The following PECR variants were observed in gnomAD, a reference collection of about 807,000 sequenced individuals.
The protein encoded by PECR is 2,4-dienoyl-CoA reductase-related protein.
In PECR, 30 loss-of-function variants were observed where a neutral mutation model predicts 35.3. That is an observed-to-expected ratio of 0.85 (90% CI 0.64 to 1.15). PECR has a LOEUF of 1.15. Ranked by LOEUF, PECR falls within the 50% of genes most tolerant of loss-of-function variation. The probability of loss-of-function intolerance (pLI) is 0.00; values close to 1 mark genes in which losing one functional copy is unlikely to be tolerated. For synonymous variants in PECR, 148 were observed against 138.9 expected (o/e 1.07, Z -0.46); for missense variants, 392 against 370.8 (o/e 1.06, Z -0.47).
At chr2:216,045,544 C>T (rs1372868380) in intron 6 of PECR, among the ~76,000 whole-genome samples, 3 of 152,196 alleles carry the variant, frequency 2.0e-5, no homozygotes, top group Non-Finnish European at 4.4e-5. Context: ...TTAATTTCAC[C>T]TCTTTTTACT....
chr2:216,036,188 A>G (rs1694790502), downstream of PECR, among the ~76,000 whole-genome samples: 1 of 152,204 alleles, frequency 6.6e-6, no homozygotes, highest in Admixed American at 6.5e-5. Context: ...ACCCCGCACC[A>G]TCCATAGGCA....
At chr2:216,056,827 C>T (rs1395028076) in intron 4 of PECR, among the ~76,000 whole-genome samples, 3 of 151,288 alleles carry the variant, frequency 2.0e-5, no homozygotes, top group African/African-American at 7.3e-5. Flanking sequence ...CACATATACA[C>T]ATATGTGTTT....
intron 4 of PECR, among the ~76,000 whole-genome samples, chr2:216,054,395 G>A (rs1695184605): frequency 6.9e-6 from 1 of 145,786 alleles, no homozygotes; most frequent in Non-Finnish European, 1.5e-5. Context: ...TTTTTTGGAG[G>A]GGGTACAGAG....
chr2:216,063,486 T>C (rs1397494232), intron 3 of PECR, among the ~76,000 whole-genome samples: 1 of 151,818 alleles, frequency 6.6e-6, no homozygotes, highest in African/African-American at 2.4e-5. Context: ...GATGTGGTGG[T>C]GAATGCCTGT....
At chr2:216,074,685 C>G (rs1243403943) in intron 1 of PECR, among the ~76,000 whole-genome samples, 5 of 152,108 alleles carry the variant, frequency 3.3e-5, no homozygotes, top group Admixed American at 3.3e-4. Context: ...TAGAAGTTTA[C>G]TAAATTATAA....
intron 7 of PECR, 123 bp downstream of exon 7, chr2:216,043,781 T>G: frequency 1.5e-6 from 1 of 672,796 alleles, no homozygotes. Flanking sequence ...ATAAACATTT[T>G]GTACATTTTG....
chr2:216,031,699 A>G (rs200735959), intron 7 of PECR, among the ~76,000 whole-genome samples: 7,651 of 127,448 alleles, frequency 0.06, 433 homozygotes, highest in African/African-American at 0.14. Flanking sequence ...AAGAGAAAGA[A>G]AGAAAGAAAG....
chr2:216,060,622 G>A (rs963772429), intron 3 of PECR, among the ~76,000 whole-genome samples: 2 of 152,016 alleles, frequency 1.3e-5, no homozygotes, highest in South Asian at 4.1e-4. Context: ...ATGCAGCCTT[G>A]AACCACTACT....
At chr2:216,075,099 T>G (rs555308648) in intron 1 of PECR, among the ~76,000 whole-genome samples, 18 of 152,252 alleles carry the variant, frequency 1.2e-4, no homozygotes, top group African/African-American at 3.6e-4. Context: ...GATGAGACCT[T>G]GTCTCTAAAA....
intron 1 of PECR, among the ~76,000 whole-genome samples, chr2:216,076,704 G>A (rs1356967222): frequency 6.6e-6 from 1 of 151,874 alleles, no homozygotes; most frequent in Non-Finnish European, 1.5e-5. Flanking sequence ...GCAGGCTGAG[G>A]CACAAGAATC....
downstream of PECR, among the ~76,000 whole-genome samples, chr2:216,038,226 T>A (rs1215622333): frequency 2.0e-5 from 3 of 152,214 alleles, no homozygotes; most frequent in Non-Finnish European, 4.4e-5. Context: ...ATTTCTTCAA[T>A]AAGGGTCTAA....
At chr2:216,043,103 GTATA>G (rs1304305088) in intron 7 of PECR, among the ~76,000 whole-genome samples, 1 of 120,138 alleles carries the variant, frequency 8.3e-6, no homozygotes, top group Admixed American at 8.3e-5. Flanking sequence ...ATATGTATGC[GTATA>G]TATATATATT....
At chr2:216,031,685 A>AAGAGAGAG (rs1553558903) in intron 7 of PECR, among the ~76,000 whole-genome samples, 5 of 54,100 alleles carry the variant, frequency 9.2e-5, no homozygotes, top group South Asian at 4.7e-4. Flanking sequence ...GAAAGAAAGA[A>AAGAGAGAG]AGAAAGAGAA....
chr2:216,067,999 C>A lies in PECR; in HGVS notation c.125-1481G>T, dbSNP rs182518660. Among the ~76,000 whole-genome samples the A allele has an allele frequency of 1.6e-3, 243 of 151,732 alleles. 4 individuals are homozygous for A. The South Asian group carries it at 0.035, about 22-fold the overall frequency. On this transcript the variant is annotated intron_variant, in intron 1 of 7. Transcript: ENST00000265322. Reference sequence around the variant, plus strand: ...ATCCCAGCACTTTGGGAGGCTGAGGCGGGCCGATCATGAGGTCAGGAGTTT... The same window carrying A: ...ATCCCAGCACTTTGGGAGGCTGAGGAGGGCCGATCATGAGGTCAGGAGTTT...
At chr2:216,045,746 T>C (rs1034451480) in intron 6 of PECR, among the ~76,000 whole-genome samples, 1 of 152,246 alleles carries the variant, frequency 6.6e-6, no homozygotes, top group Non-Finnish European at 1.5e-5. Flanking sequence ...ACTCAGCCAA[T>C]GAACATGTTT....
chr2:216,074,753 G>A (rs1204395075), intron 1 of PECR, among the ~76,000 whole-genome samples: 1 of 152,176 alleles, frequency 6.6e-6, no homozygotes, highest in Non-Finnish European at 1.5e-5. Flanking sequence ...AAGTAAAGAT[G>A]CACTGAAATA....
Position 216,058,939 on chromosome 2 carries a change from G to C in PECR, c.462C>G (p.Ile154Met). 6.2e-7 allele frequency: 1 copy of C among 1,609,306 alleles called. No homozygotes were observed. The highest frequency in any genetic ancestry group is 8.5e-7 in the Non-Finnish European group (1 of 1,175,716). The stretch of plus-strand genomic sequence containing the variant: ...CTTTAGTAGGGACAATGATATTGAC[G>C]ATAGATCCTCCATGCTCTTTCATCC... ...SSWMKEHGGS[I>M]VNIIVPTKAG... is the part of the protein sequence containing the mutation. Residue 154 changes from isoleucine to methionine, a missense_variant, in exon 4 of 8, where the codon ATC (isoleucine) becomes ATG (methionine). Physicochemically the swap from Ile to Met is conservative, Grantham distance 10. Transcript: ENST00000265322.
downstream of PECR, among the ~76,000 whole-genome samples, chr2:216,036,257 C>T (rs566057501): frequency 1.9e-3 from 293 of 152,342 alleles, no homozygotes; most frequent in Non-Finnish European, 3.4e-3. Context: ...GGATGGAGTG[C>T]TTGCTGTCTT....
At chr2:216,029,349 G>A (rs774469360) in intron 7 of PECR, among the ~76,000 whole-genome samples, 10 of 152,196 alleles carry the variant, frequency 6.6e-5, no homozygotes, top group South Asian at 2.1e-4. Flanking sequence ...GTGGTGGCGC[G>A]CTTCTGTAGT....
Sources: gnomAD v4.1 joint callset for allele counts (sites outside exome capture counted in the v4.1 genomes callset) on GRCh38, gnomAD v4.1.1 for gene constraint, MANE v1.5 for transcripts, NCBI Gene and HGNC (gene_info 2026-07-23, HGNC 2026-07-21) for gene names.